Variants in CCDC91 observed in about 807,000 individuals in gnomAD.
CCDC91 encodes the protein coiled-coil domain containing 91.
In CCDC91, 48 loss-of-function variants were observed where a neutral mutation model predicts 63.2. The observed-to-expected ratio is 0.76, with a 90% CI of 0.60 to 0.97. The LOEUF is 0.97. Ranked by LOEUF, CCDC91 falls within the 50% of genes least tolerant of loss-of-function variation. CCDC91 has a pLI of 0.00. For synonymous variants in CCDC91, 167 were observed against 165.8 expected, an observed-to-expected ratio of 1.01 and a Z score of -0.06; for missense variants, 500 against 494.6, an observed-to-expected ratio of 1.01 and a Z score of -0.10.
At chr12:28,394,434 C>T (rs532149977) in intron 8 of CCDC91, among the ~76,000 whole-genome samples, 1 of 151,920 alleles carries the variant, frequency 6.6e-6, no homozygotes, top group African/African-American at 2.4e-5. Context: ...CCACTGCACT[C>T]CAGCCTGGGC....
chr12:28,395,474 T>C (rs1233811132), intron 8 of CCDC91, among the ~76,000 whole-genome samples: 1 of 152,216 alleles, frequency 6.6e-6, no homozygotes, highest in African/African-American at 2.4e-5. Flanking sequence ...TTTCCACAAC[T>C]GGTCTCCCCT....
At chr12:28,229,038 T>G (rs1439051014) in intron 1 of CCDC91, among the ~76,000 whole-genome samples, 2 of 152,154 alleles carry the variant, frequency 1.3e-5, no homozygotes, top group African/African-American at 2.4e-5. Flanking sequence ...TCTGGTGGAT[T>G]GTCTTACACA....
intron 3 of CCDC91, among the ~76,000 whole-genome samples, chr12:28,294,385 G>A (rs1382150809): frequency 6.6e-6 from 1 of 152,074 alleles, no homozygotes; most frequent in Non-Finnish European, 1.5e-5. Context: ...TATGGAGGTG[G>A]TTCCCCCCGC....
intron 6 of CCDC91, among the ~76,000 whole-genome samples, chr12:28,334,939 G>T (rs531287769): frequency 6.6e-6 from 1 of 150,842 alleles, no homozygotes; most frequent in Admixed American, 6.6e-5. Context: ...CCTTAATAGG[G>T]TTTAGAGAAG....
chr12:28,416,447 A>G (rs1947666969), intron 8 of CCDC91, among the ~76,000 whole-genome samples: 1 of 152,126 alleles, frequency 6.6e-6, no homozygotes, highest in Admixed American at 6.6e-5. Context: ...CTACTGCAAT[A>G]GAAGAAAGAA....
At chr12:28,218,834 T>C (rs903698539) in intron 1 of CCDC91, among the ~76,000 whole-genome samples, 1 of 152,268 alleles carries the variant, frequency 6.6e-6, no homozygotes, top group African/African-American at 2.4e-5. Flanking sequence ...TTGTAATTGC[T>C]GAGTAACATT....
intron 6 of CCDC91, among the ~76,000 whole-genome samples, chr12:28,342,753 G>A (rs565674161): frequency 4.6e-5 from 7 of 152,184 alleles, no homozygotes; most frequent in African/African-American, 1.2e-4. Context: ...TAATAGTAGG[G>A]AAGACTACAT....
intron 6 of CCDC91, among the ~76,000 whole-genome samples, chr12:28,341,742 G>C (rs529361219): frequency 1.4e-4 from 22 of 152,284 alleles, no homozygotes; most frequent in African/African-American, 5.3e-4. Context: ...TCCACATGTT[G>C]AGAGATGTGG....
chr12:28,288,020 A>G (rs1229774407), intron 3 of CCDC91, among the ~76,000 whole-genome samples: 2 of 152,006 alleles, frequency 1.3e-5, no homozygotes, highest in East Asian at 3.9e-4. Context: ...TGTTGGTGTA[A>G]TAGGAATGCT....
chr12:28,503,579 C>T (rs141597660), intron 12 of CCDC91, among the ~76,000 whole-genome samples: 31,721 of 152,028 alleles, frequency 0.21, 4,332 homozygotes, highest in Non-Finnish European at 0.31. Context: ...GCAATCCCAT[C>T]ACTGGGTATA....
chr12:28,518,098 G>A (rs1940158403), intron 12 of CCDC91, among the ~76,000 whole-genome samples: 1 of 151,946 alleles, frequency 6.6e-6, no homozygotes, highest in Non-Finnish European at 1.5e-5. Context: ...ATAAACATGT[G>A]TGTGCAAGTA....
chr12:28,476,336 A>G (rs1592782354), intron 11 of CCDC91, among the ~76,000 whole-genome samples: 1 of 152,150 alleles, frequency 6.6e-6, no homozygotes, highest in South Asian at 2.1e-4. Flanking sequence ...AAACCGGTCA[A>G]CTGCATGGAA....
intron 3 of CCDC91, among the ~76,000 whole-genome samples, chr12:28,297,171 C>G (rs1949607596): frequency 6.6e-6 from 1 of 151,790 alleles, no homozygotes; most frequent in Admixed American, 6.6e-5. Context: ...CAGAGATAAA[C>G]AGATTTTTTT....
chr12:28,526,764 C>A (rs1941299596), intron 12 of CCDC91, among the ~76,000 whole-genome samples: 1 of 152,000 alleles, frequency 6.6e-6, no homozygotes, highest in African/African-American at 2.4e-5. Flanking sequence ...GGCCATTTAA[C>A]ATAATCCCAG....
At chr12:28,423,494 A>C (rs1948130281) in intron 8 of CCDC91, among the ~76,000 whole-genome samples, 1 of 152,154 alleles carries the variant, frequency 6.6e-6, no homozygotes, top group South Asian at 2.1e-4. Flanking sequence ...TAGAATGTCA[A>C]GGGGTACTAT....
intron 6 of CCDC91, among the ~76,000 whole-genome samples, chr12:28,337,633 A>C (rs1942088556): frequency 6.6e-6 from 1 of 151,996 alleles, no homozygotes; most frequent in Non-Finnish European, 1.5e-5. Flanking sequence ...ACCAAGTTAC[A>C]TTGTCAGTGC....
intron 12 of CCDC91, among the ~76,000 whole-genome samples, chr12:28,545,412 A>T (rs1412151320): frequency 5.9e-5 from 9 of 152,104 alleles, no homozygotes; most frequent in Non-Finnish European, 1.0e-4. Flanking sequence ...GAGGAATTCA[A>T]CATCCTTATA....
At chr12:28,510,843 T>G (rs1372150702) in intron 12 of CCDC91, among the ~76,000 whole-genome samples, 1 of 151,864 alleles carries the variant, frequency 6.6e-6, no homozygotes, top group Non-Finnish European at 1.5e-5. Context: ...TTAAGAATAG[T>G]TTTGGACATG....
Position 28,259,413 on chromosome 12 carries a change from C to G in CCDC91, c.80C>G (p.Pro27Arg). ...GGSGETQTTS[P>R]AIPWAAFPAV... ...AGTGGTGAAACCCAAACAACATCTCCTGCTATTCCTTGGGCTGCCTTTCCT... is the reference window on the plus strand; with the variant it reads ...AGTGGTGAAACCCAAACAACATCTCGTGCTATTCCTTGGGCTGCCTTTCCT... The change falls in exon 3 of 13, where the codon CCT becomes CGT. Residue 27 changes from proline to arginine, a missense_variant. Transcript: ENST00000536442. 6.2e-7 allele frequency: 1 copy of G among 1,610,150 alleles called. No homozygotes were observed. The highest frequency in any genetic ancestry group is 8.5e-7 in the Non-Finnish European group (1 of 1,177,736).
Sources: gnomAD v4.1 joint callset for allele counts (sites outside exome capture counted in the v4.1 genomes callset) on GRCh38, gnomAD v4.1.1 for gene constraint, MANE v1.5 for transcripts, NCBI Gene and HGNC (gene_info 2026-07-23, HGNC 2026-07-21) for gene names.